BARX2: variants seen among roughly 807,000 people sequenced by gnomAD.
BARX2 encodes homeobox protein BarH-like 2.
Under a neutral mutation model 25.5 loss-of-function variants are expected in BARX2, and 11 were observed. The observed-to-expected ratio is 0.43, with a 90% confidence interval of 0.27 to 0.71. The LOEUF (loss-of-function observed/expected upper bound fraction) is 0.71. Among genes scored for constraint, BARX2 ranks in the 30% least tolerant of loss-of-function variants. The pLI is 0.19. For missense variants in BARX2, 360 were observed against 359.9 expected (o/e 1.00, Z 0.00); for synonymous variants, 137 against 149.5 (o/e 0.92, Z 0.61).
chr11:129,447,677 T>A (rs1423814010), intron 3 of BARX2, among the ~76,000 whole-genome samples: 5 of 151,568 alleles, frequency 3.3e-5, no homozygotes, highest in African/African-American at 9.7e-5. Context: ...GTTTTGGGGA[T>A]TTTTTTTTCA....
intron 1 of BARX2, among the ~76,000 whole-genome samples, chr11:129,420,681 C>T (rs1415876741): frequency 1.3e-5 from 2 of 152,164 alleles, no homozygotes; most frequent in East Asian, 3.8e-4. Flanking sequence ...ATTACTTCAC[C>T]TCCTTGTGAA....
Position 129,437,371 on chromosome 11 carries a change from G to T in BARX2, c.488+320G>T, listed in dbSNP as rs1025862130. 4.1e-5 allele frequency: 36 copies of T among 885,016 alleles called. No homozygotes were observed. In the African/African-American group the frequency reaches 4.7e-4, roughly 12 times the overall value. The allele number at this position is 885,016 out of a possible 1,614,324, so 54.8% of individuals were successfully genotyped here. Reference sequence around the variant, plus strand: ...AGGCGGTCAGCTGGGAAACAGGCTTGGTTTTTAAGCCACTCACTCTTAGGA... The same window carrying T: ...AGGCGGTCAGCTGGGAAACAGGCTTTGTTTTTAAGCCACTCACTCTTAGGA... On this transcript the variant is annotated intron_variant, in intron 2 of 3. Transcript: ENST00000281437.
chr11:129,420,957 T>C (rs1861997830), intron 1 of BARX2, among the ~76,000 whole-genome samples: 1 of 152,202 alleles, frequency 6.6e-6, no homozygotes, highest in Admixed American at 6.5e-5. Context: ...CATTCCCTCA[T>C]TTACGGATGA....
At chr11:129,402,741 TA>T (rs1423760450) in intron 1 of BARX2, among the ~76,000 whole-genome samples, 1 of 152,212 alleles carries the variant, frequency 6.6e-6, no homozygotes, top group African/African-American at 2.4e-5. Flanking sequence ...GCAGATCCTC[TA>T]AAGGAGAAAT....
At chr11:129,399,592 T>G (rs1758873665) in intron 1 of BARX2, among the ~76,000 whole-genome samples, 1 of 152,006 alleles carries the variant, frequency 6.6e-6, no homozygotes, top group African/African-American at 2.4e-5. Context: ...GCTGGTGGTG[T>G]TAGATAGCAG....
intron 1 of BARX2, among the ~76,000 whole-genome samples, chr11:129,422,222 A>G (rs1308970625): frequency 2.0e-5 from 3 of 152,132 alleles, no homozygotes; most frequent in Non-Finnish European, 4.4e-5. Flanking sequence ...TTTTTAAATC[A>G]TCTGCCATCC....
rs886941569 is a variant in BARX2 at position 129,376,384 on chromosome 11, C to G, written c.187+162C>G. 2.6e-5 allele frequency among the ~76,000 whole-genome samples: 4 copies of G among 152,194 alleles called. No homozygotes were observed. Among genetic ancestry groups the G allele is most frequent in the Admixed American group, 6.5e-5 (1 of 15,290 alleles). On this transcript the variant is annotated intron_variant, in intron 1 of 3. Coordinates refer to ENST00000281437, the MANE Select transcript of BARX2 (RefSeq NM_003658.5). The surrounding 1 kb of genome is among the most constrained non-coding windows in gnomAD (Gnocchi z 4.2). ...CATTGCAAAGGCATCTGCGACGTGG[C>G]CGGGAAGGACCACGCAAGGTGTGGA...
chr11:129,382,267 T>G (rs756418770), intron 1 of BARX2, among the ~76,000 whole-genome samples: 1 of 152,036 alleles, frequency 6.6e-6, no homozygotes, highest in Non-Finnish European at 1.5e-5. Context: ...CAACCTCTGC[T>G]TCCCGGGTTC....
chr11:129,427,382 A>T (rs1281839919), intron 1 of BARX2, among the ~76,000 whole-genome samples: 1 of 152,006 alleles, frequency 6.6e-6, no homozygotes, highest in African/African-American at 2.4e-5. Context: ...GGTGTGGGTG[A>T]TTTTATGTTT....
intron 1 of BARX2, among the ~76,000 whole-genome samples, chr11:129,396,965 A>T (rs1218571994): frequency 6.6e-6 from 1 of 152,136 alleles, no homozygotes; most frequent in Non-Finnish European, 1.5e-5. Flanking sequence ...CATAAAGCTG[A>T]TGATAAGAAT....
At chr11:129,378,502 A>T (rs749489770) in intron 1 of BARX2, among the ~76,000 whole-genome samples, 27 of 151,904 alleles carry the variant, frequency 1.8e-4, no homozygotes, top group Admixed American at 4.6e-4. Flanking sequence ...ATTAAAAACA[A>T]CAACAATAAG....
At chr11:129,413,785 C>T (rs971581395) in intron 1 of BARX2, among the ~76,000 whole-genome samples, 1 of 152,018 alleles carries the variant, frequency 6.6e-6, no homozygotes, top group African/African-American at 2.4e-5. Context: ...GACAGTAGGC[C>T]GGGCGCAGTG....
intron 1 of BARX2, among the ~76,000 whole-genome samples, chr11:129,404,457 C>T (rs1376691726): frequency 6.6e-6 from 1 of 152,156 alleles, no homozygotes; most frequent in Non-Finnish European, 1.5e-5. Flanking sequence ...ATCAGTTTTT[C>T]CCCTTTTGCC....
At chr11:129,383,355 G>A (rs1237325030) in intron 1 of BARX2, among the ~76,000 whole-genome samples, 6 of 152,118 alleles carry the variant, frequency 3.9e-5, no homozygotes, top group Non-Finnish European at 8.8e-5. Context: ...GTTTAAGGAG[G>A]AAAGCCATGC....
Position 129,451,907 on chromosome 11 carries a change from G to A in BARX2, c.*505G>A. On this transcript the variant is annotated 3_prime_UTR_variant, in exon 4 of 4. Transcript: ENST00000281437. ...GTATTTTTTTGGGGGGGTGAGGGTG[G>A]GCAAAAACATGGGGGTAGTTCTGAG... is the stretch of plus-strand genomic sequence containing the variant. 1 of 145,410 alleles carries A rather than the reference G, an allele frequency of 6.9e-6. No individual in the cohort carries two copies. Among genetic ancestry groups the A allele is most frequent in the Non-Finnish European group, 1.5e-5 (1 of 67,302 alleles). 9.0% of individuals were successfully genotyped at this position (145,410 alleles called of 1,614,324 possible).
At chr11:129,388,540 A>G (rs1405445507) in intron 1 of BARX2, among the ~76,000 whole-genome samples, 2 of 152,222 alleles carry the variant, frequency 1.3e-5, no homozygotes, top group Non-Finnish European at 2.9e-5. Flanking sequence ...CTGAACAACT[A>G]AAGCCAACCA....
At chr11:129,447,061 A>G (rs1480802249) in intron 3 of BARX2, among the ~76,000 whole-genome samples, 1 of 152,212 alleles carries the variant, frequency 6.6e-6, no homozygotes, top group African/African-American at 2.4e-5. Flanking sequence ...GCTGAATGCA[A>G]TACTGCTAAG....
chr11:129,398,713 T>G (rs1861746853), intron 1 of BARX2, among the ~76,000 whole-genome samples: 1 of 152,238 alleles, frequency 6.6e-6, no homozygotes, highest in Admixed American at 6.5e-5. Flanking sequence ...CATCATTTGG[T>G]TAGCTAGGTT....
chr11:129,379,148 G>A (rs1416483783), intron 1 of BARX2, among the ~76,000 whole-genome samples: 4 of 152,054 alleles, frequency 2.6e-5, no homozygotes, highest in African/African-American at 7.2e-5. Context: ...AGTACGTCTC[G>A]TAAATCATCC....
Sources: gnomAD v4.1 joint callset for allele counts (sites outside exome capture counted in the v4.1 genomes callset) on GRCh38, gnomAD v4.1.1 for gene constraint, Gnocchi (gnomAD v3.1) non-coding constraint, MANE v1.5 for transcripts, NCBI Gene and HGNC (gene_info 2026-07-23, HGNC 2026-07-21) for gene names.